The following PKD1L3 variants were observed in gnomAD, a reference collection of about 807,000 sequenced individuals.
The protein encoded by PKD1L3 is polycystin 1 like 3, transient receptor potential channel interacting.
Under a neutral mutation model 184.1 loss-of-function variants are expected in PKD1L3, and 239 were observed. The ratio of observed to expected loss-of-function variants is 1.30; its 90% confidence interval spans 1.17 to 1.45. PKD1L3 has a LOEUF of 1.45. Ranked by LOEUF, PKD1L3 falls within the 40% of genes most tolerant of loss-of-function variation. PKD1L3 has a pLI of 0.00. For missense variants in PKD1L3, 2,660 were observed against 2,067.2 expected, an observed-to-expected ratio of 1.29 and a Z score of -5.56; for synonymous variants, 996 against 778.8, an observed-to-expected ratio of 1.28 and a Z score of -4.64.
rs1475016086 is a variant in PKD1L3, at chr16:71,990,268, G to A, written c.585+12C>T. On this transcript the variant is annotated intron_variant, in intron 4 of 29. Coordinates refer to ENST00000620267, the MANE Select transcript of PKD1L3 (RefSeq NM_181536.2). ...ACATTTCACAATGTATGTTGTCAAG[G>A]GAAGCACTTACAAGATGAGCAGGAA... The A allele has an allele frequency of 1.3e-6, 2 of 1,536,338 alleles. No homozygotes were observed. Among genetic ancestry groups the A allele is most frequent in the African/African-American group, 2.8e-5 (2 of 72,608 alleles).
chr16:71,979,034 T>G (rs1486526252), intron 9 of PKD1L3, among the ~76,000 whole-genome samples: 1 of 152,232 alleles, frequency 6.6e-6, no homozygotes, highest in Non-Finnish European at 1.5e-5. Flanking sequence ...CTCTTCAGGA[T>G]AAGGCAACAA....
intron 23 of PKD1L3, 30 bp from the exon 24 acceptor site, chr16:71,943,054 G>A (rs1597289695): frequency 6.8e-7 from 1 of 1,474,370 alleles, no homozygotes; most frequent in Non-Finnish European, 9.2e-7. Flanking sequence ...AAATGTCATA[G>A]TTGAGTGGTT....
chr16:71,945,263 T>G (rs1287061999), intron 22 of PKD1L3, among the ~76,000 whole-genome samples: 1 of 98,980 alleles, frequency 1.0e-5, no homozygotes, highest in East Asian at 3.1e-4. Flanking sequence ...CTGAATTTCT[T>G]AACTATATAT....
Position 71,954,226 on chromosome 16 carries a change from G to C in PKD1L3, c.2688C>G (p.Pro896=). Residue 896 remains proline (P), a synonymous_variant, in exon 17 of 30, where the codon CCC becomes CCG. Transcript: ENST00000620267. Reference sequence around the variant, plus strand: ...GTTGGACCCTTGTAAACTGGTTCCAGGGATGCCGAGTTGCAATTGAAAGCC... The same window carrying C: ...GTTGGACCCTTGTAAACTGGTTCCACGGATGCCGAGTTGCAATTGAAAGCC... The part of the protein sequence containing the change: ...YLWLSIATRH[P]WNQFTRVQRL... 6.4e-7 allele frequency: 1 copy of C among 1,551,096 alleles called. No individual in the cohort carries two copies. The highest frequency in any genetic ancestry group is 2.0e-5 in the Admixed American group (1 of 50,878).
chr16:71,978,619 A>C (rs1386649171), intron 9 of PKD1L3, among the ~76,000 whole-genome samples: 3 of 150,462 alleles, frequency 2.0e-5, no homozygotes, highest in African/African-American at 7.4e-5. Context: ...AGCTCACTGC[A>C]ATCTCCACCT....
chr16:71,972,153 T>C (rs956830666), intron 12 of PKD1L3, among the ~76,000 whole-genome samples: 2 of 151,650 alleles, frequency 1.3e-5, no homozygotes, highest in Non-Finnish European at 2.9e-5. Flanking sequence ...GAGGCAGAGT[T>C]TGCAGTGAGC....
chr16:71,996,007 C>A (rs2040770781), intron 2 of PKD1L3, among the ~76,000 whole-genome samples: 1 of 151,964 alleles, frequency 6.6e-6, no homozygotes, highest in Non-Finnish European at 1.5e-5. Context: ...GGCAAAAATA[C>A]TGTGTAAGTG....
chr16:71,950,737 C>CTTTT (rs200363488), intron 19 of PKD1L3, among the ~76,000 whole-genome samples: 28 of 140,514 alleles, frequency 2.0e-4, no homozygotes, highest in South Asian at 6.7e-4. Flanking sequence ...GTATTTCTCT[C>CTTTT]TTTTTTTTTT....
chr16:71,997,822 A>G (rs1416390225), intron 2 of PKD1L3, among the ~76,000 whole-genome samples: 1 of 151,318 alleles, frequency 6.6e-6, no homozygotes, highest in Non-Finnish European at 1.5e-5. Context: ...GCATACGTAC[A>G]TACATACATA....
At chr16:71,988,715 A>G (rs1306108445) in intron 4 of PKD1L3, among the ~76,000 whole-genome samples, 1 of 152,202 alleles carries the variant, frequency 6.6e-6, no homozygotes, top group African/African-American at 2.4e-5. Context: ...AAACTAACAT[A>G]AGATAAACGG....
intron 19 of PKD1L3, among the ~76,000 whole-genome samples, 157 bp downstream of exon 19, chr16:71,951,407 A>T (rs1220373785): frequency 6.6e-6 from 1 of 152,230 alleles, no homozygotes; most frequent in East Asian, 1.9e-4. Context: ...CATCAAGGAG[A>T]ACAAAGCTAT....
chr16:71,988,287 C>T (rs909152644), intron 4 of PKD1L3, among the ~76,000 whole-genome samples: 2 of 152,130 alleles, frequency 1.3e-5, no homozygotes, highest in East Asian at 3.9e-4. Flanking sequence ...CTCCACCTCC[C>T]AGGTTCAAGG....
rs867479406 is a variant in PKD1L3, at chr16:71,958,194, C to T, written c.2613-3893G>A. On this transcript the variant is annotated intron_variant, in intron 16 of 29. Coordinates refer to ENST00000620267, the MANE Select transcript of PKD1L3 (RefSeq NM_181536.2). ...CGAGGTCAGGAGATCGAGACCATCC[C>T]GGCTAAAACGGTGAAACCCCGTCTC... is the stretch of plus-strand genomic sequence containing the variant. Among the ~76,000 whole-genome samples the T allele has an allele frequency of 1.5e-3, 229 of 150,972 alleles. 1 individual carries two copies. The highest frequency in any genetic ancestry group is 3.5e-3 in the Middle Eastern group (1 of 288).
At chr16:71,945,791 A>G (rs1157592167) in intron 22 of PKD1L3, among the ~76,000 whole-genome samples, 1 of 152,156 alleles carries the variant, frequency 6.6e-6, no homozygotes, top group Non-Finnish European at 1.5e-5. Context: ...CTCTCCAAGA[A>G]AGTCAGAGAA....
At chr16:71,965,823 G>T (rs912115870) in intron 15 of PKD1L3, among the ~76,000 whole-genome samples, 1 of 152,030 alleles carries the variant, frequency 6.6e-6, no homozygotes, top group African/African-American at 2.4e-5. Context: ...CAAAGTGCTG[G>T]GATTACAGGC....
intron 15 of PKD1L3, among the ~76,000 whole-genome samples, chr16:71,964,711 T>C (rs1003164941): frequency 6.6e-6 from 1 of 151,908 alleles, no homozygotes; most frequent in African/African-American, 2.4e-5. Flanking sequence ...TCCCTATCCC[T>C]CCTTCCAGTC....
chr16:71,936,590 GCTCAC>G (rs928798962), intron 25 of PKD1L3, among the ~76,000 whole-genome samples: 83 of 148,176 alleles, frequency 5.6e-4, no homozygotes, highest in African/African-American at 1.7e-3. Context: ...CGCGATCTCG[GCTCAC>G]TGCAACCTCC....
rs891513683 is a variant in PKD1L3, at chr16:71,930,214, C to A, written c.4927-31G>T. The A allele has an allele frequency of 3.3e-6, 5 of 1,518,956 alleles. No homozygotes were observed. The African/African-American group carries it at 7.0e-5, about 21-fold the overall frequency. 94.1% of individuals were successfully genotyped at this position (1,518,956 alleles called of 1,614,324 possible). ...AAAACAATAAGAACACTTGCAGTGA[C>A]TGACAATTTAGTTTATACTTTACAA... On this transcript the variant is annotated intron_variant, in intron 28 of 29. Coordinates refer to ENST00000620267, the MANE Select transcript of PKD1L3 (RefSeq NM_181536.2).
At chr16:71,939,012 C>A (rs1325118171) in intron 24 of PKD1L3, among the ~76,000 whole-genome samples, 1 of 152,222 alleles carries the variant, frequency 6.6e-6, no homozygotes, top group African/African-American at 2.4e-5. Flanking sequence ...TTGGGGGAGC[C>A]CAGACCTACA....
Sources: gnomAD v4.1 joint callset for allele counts (sites outside exome capture counted in the v4.1 genomes callset) on GRCh38, gnomAD v4.1.1 for gene constraint, MANE v1.5 for transcripts, NCBI Gene and HGNC (gene_info 2026-07-23, HGNC 2026-07-21) for gene names.